Variants in PLCB4 observed in about 807,000 individuals in gnomAD.
PLCB4 encodes the protein 1-phosphatidylinositol 4,5-bisphosphate phosphodiesterase beta-4.
PLCB4 carries 77 observed loss-of-function variants against 178.8 expected under a neutral mutation model. That is an observed-to-expected ratio of 0.43 (90% CI 0.36 to 0.52). The LOEUF is 0.52. PLCB4 is among the 20% of genes least tolerant of loss of function. PLCB4 has a pLI of 0.00. For synonymous variants in PLCB4, 496 were observed against 490.8 expected (o/e 1.01, Z -0.14); for missense variants, 1,024 against 1,453.4 (o/e 0.70, Z 4.80).
chr20:9,167,626 C>T (rs756446799), intron 2 of PLCB4, among the ~76,000 whole-genome samples: 1 of 152,116 alleles, frequency 6.6e-6, no homozygotes, highest in Non-Finnish European at 1.5e-5. Context: ...AAATTAACAA[C>T]TTAGAAAGTT....
At chr20:9,323,221 G>A (rs1250993662) in intron 4 of PLCB4, among the ~76,000 whole-genome samples, 3 of 152,116 alleles carry the variant, frequency 2.0e-5, no homozygotes, top group Non-Finnish European at 2.9e-5. Context: ...ACTCTCCTCT[G>A]TACAGTCCTC....
At chr20:9,214,560 G>C (rs368842900) in intron 2 of PLCB4, among the ~76,000 whole-genome samples, 4 of 145,486 alleles carry the variant, frequency 2.7e-5, no homozygotes, top group African/African-American at 5.0e-5. Flanking sequence ...AAACACCCCA[G>C]ACACACACAC....
At chr20:9,081,745 A>G (rs1439331895) in intron 1 of PLCB4, among the ~76,000 whole-genome samples, 1 of 150,168 alleles carries the variant, frequency 6.7e-6, no homozygotes, top group Non-Finnish European at 1.5e-5. Flanking sequence ...TGGGTAAATT[A>G]GGAAAACAAT....
chr20:9,426,735 A>C, intron 28 of PLCB4, among the ~76,000 whole-genome samples: 1 of 151,254 alleles, frequency 6.6e-6, no homozygotes, highest in Admixed American at 6.6e-5. Context: ...TGGAATTCTA[A>C]TTTTTTTTTA....
chr20:9,401,582 G>T lies in PLCB4; in HGVS notation c.1603G>T (p.Val535Phe), dbSNP rs751160885. The change falls in exon 20 of 40, where the codon GTC (valine) becomes TTC (phenylalanine). Residue 535 changes from valine to phenylalanine, a missense_variant. Physicochemically the swap from Val to Phe is conservative, Grantham distance 50. Coordinates refer to ENST00000378473, the MANE Select transcript of PLCB4 (RefSeq NM_001377142.1). ...LGHKEAVANS[V>F]KKASDDLEHE... ...TCACAAGGAAGCTGTTGCAAATAGC[G>T]TCAAGAAGGTCAGAGTCCCCTTTCT... 4 of 1,605,922 alleles carry T rather than the reference G, an allele frequency of 2.5e-6. No homozygotes were observed. Among genetic ancestry groups the T allele is most frequent in the East Asian group, 2.2e-5 (1 of 44,820 alleles).
At chr20:9,130,770 G>T (rs578230454) in intron 2 of PLCB4, among the ~76,000 whole-genome samples, 9 of 152,292 alleles carry the variant, frequency 5.9e-5, no homozygotes, top group African/African-American at 2.2e-4. Flanking sequence ...ATGAATTGAA[G>T]TTGTGATCAG....
intron 8 of PLCB4, among the ~76,000 whole-genome samples, chr20:9,363,280 C>G (rs1024354309): frequency 2.6e-5 from 4 of 152,184 alleles, no homozygotes; most frequent in African/African-American, 4.8e-5. Context: ...ATTGAGTTTT[C>G]TGATAGACAG....
At chr20:9,308,728 T>C (rs1455340877) in intron 4 of PLCB4, among the ~76,000 whole-genome samples, 4 of 152,198 alleles carry the variant, frequency 2.6e-5, no homozygotes, top group Non-Finnish European at 4.4e-5. Flanking sequence ...TGACATAGCT[T>C]AATACTTGTT....
intron 3 of PLCB4, among the ~76,000 whole-genome samples, chr20:9,246,458 A>G (rs1472820362): frequency 6.6e-6 from 1 of 152,210 alleles, no homozygotes. Context: ...AACACAGTTC[A>G]AGTTAGCTAA....
At chr20:9,311,362 A>G (rs2094831465) in intron 4 of PLCB4, among the ~76,000 whole-genome samples, 1 of 152,178 alleles carries the variant, frequency 6.6e-6, no homozygotes, top group Non-Finnish European at 1.5e-5. Context: ...TATAAAGTAG[A>G]CTTTTTACTG....
At chr20:9,385,530 C>T (rs955182066) in intron 14 of PLCB4, among the ~76,000 whole-genome samples, 9 of 150,696 alleles carry the variant, frequency 6.0e-5, no homozygotes, top group Non-Finnish European at 8.9e-5. Context: ...AGGCGCTTCT[C>T]ACATCCCAGA....
At chr20:9,436,727 C>T (rs2041796434) in intron 29 of PLCB4, among the ~76,000 whole-genome samples, 1 of 152,172 alleles carries the variant, frequency 6.6e-6, no homozygotes, top group Non-Finnish European at 1.5e-5. Flanking sequence ...CCAGTGCACA[C>T]GTGGATTGTT....
At chr20:9,367,010 T>G (rs1301463791) in intron 9 of PLCB4, among the ~76,000 whole-genome samples, 2 of 152,352 alleles carry the variant, frequency 1.3e-5, no homozygotes, top group Non-Finnish European at 2.9e-5. Flanking sequence ...GTGCTGTGGC[T>G]CCTGGCATTT....
intron 2 of PLCB4, among the ~76,000 whole-genome samples, chr20:9,204,098 C>T (rs2093586293): frequency 6.6e-6 from 1 of 151,506 alleles, no homozygotes; most frequent in South Asian, 2.1e-4. Context: ...AATTCTACTT[C>T]TAATCACCAC....
chr20:9,421,475 A>G lies in PLCB4; in HGVS notation c.2319+14A>G, dbSNP rs1306197400. 3 of 1,607,538 alleles carry G rather than the reference A, an allele frequency of 1.9e-6. No individual in the cohort carries two copies. The Admixed American group carries it at 5.0e-5, about 27-fold the overall frequency. On this transcript the variant is annotated intron_variant, in intron 27 of 39. Coordinates refer to ENST00000378473, the MANE Select transcript of PLCB4 (RefSeq NM_001377142.1). ...GTATTTCGGAAGGTAGGACATTTTC[A>G]GCACGTCAAACTTACTCTAATAACT... is the stretch of plus-strand genomic sequence containing the variant.
In PLCB4 at chr20:9,468,685, G is replaced by A. The variant is rs373725971; in HGVS notation, c.3350+13G>A. 2.8e-6 allele frequency: 4 copies of A among 1,430,224 alleles called. No individual in the cohort carries two copies. The African/African-American group carries it at 4.2e-5, about 15-fold the overall frequency. 88.6% of individuals were successfully genotyped at this position (1,430,224 alleles called of 1,614,324 possible). ...CAGAACGGGAAAGGTAAGTCTGAGA[G>A]TGTTCACTGCAGGAATATGGCATTG... On this transcript the variant is annotated intron_variant, in intron 36 of 39. Transcript: ENST00000378473.
chr20:9,089,010 C>T (rs4816122), intron 1 of PLCB4, among the ~76,000 whole-genome samples: 75,005 of 151,314 alleles, frequency 0.5, 18,975 homozygotes, highest in Middle Eastern at 0.57. Context: ...TAAGAGTTGG[C>T]AAATAATAAA....
chr20:9,338,805 C>T, intron 6 of PLCB4, 89 bp from the exon 7 acceptor site: 1 of 980,892 alleles, frequency 1.0e-6, no homozygotes, highest in African/African-American at 1.6e-5. Context: ...TTTATTTTTA[C>T]ATTAAATGTG....
intron 15 of PLCB4, among the ~76,000 whole-genome samples, chr20:9,388,743 G>A (rs1228532461): frequency 2.0e-5 from 3 of 152,126 alleles, no homozygotes; most frequent in Non-Finnish European, 4.4e-5. Context: ...ACACGCAGAT[G>A]TCTAGATGCT....
Sources: allele counts gnomAD v4.1 joint callset (sites outside exome capture counted in the v4.1 genomes callset), GRCh38; gene constraint gnomAD v4.1.1; transcripts MANE v1.5; gene names NCBI Gene and HGNC (gene_info 2026-07-23, HGNC 2026-07-21).